Variants in PDE4B observed in about 807,000 individuals in gnomAD.
The protein encoded by PDE4B is 3',5'-cyclic-AMP phosphodiesterase 4B.
In PDE4B, 20 loss-of-function variants were observed where a neutral mutation model predicts 82.2. The observed-to-expected ratio is 0.24, with a 90% CI of 0.17 to 0.35. The LOEUF (loss-of-function observed/expected upper bound fraction) is 0.35. Among genes scored for constraint, PDE4B ranks in the 10% least tolerant of loss-of-function variants. The pLI is 1.00. For synonymous variants in PDE4B, 320 were observed against 318.9 expected (o/e 1.00, Z -0.04); for missense variants, 655 against 907.2 (o/e 0.72, Z 3.57).
chr1:66,368,375 T>G (rs1570792911), intron 15 of PDE4B, among the ~76,000 whole-genome samples: 1 of 152,364 alleles, frequency 6.6e-6, no homozygotes, highest in Non-Finnish European at 1.5e-5. Flanking sequence ...TCCCATTGAC[T>G]TGAAGTTTGT....
chr1:66,239,447 G>A (rs990430709), intron 3 of PDE4B, among the ~76,000 whole-genome samples: 5 of 152,114 alleles, frequency 3.3e-5, no homozygotes, highest in South Asian at 4.1e-4. Context: ...TTGTAACATC[G>A]TTTAGGGGTT....
At chr1:66,018,272 C>G (rs1375260897) in intron 3 of PDE4B, among the ~76,000 whole-genome samples, 1 of 151,850 alleles carries the variant, frequency 6.6e-6, no homozygotes, top group Non-Finnish European at 1.5e-5. Flanking sequence ...AAAAAATTAG[C>G]CGGGCATGGT....
In PDE4B at chr1:65,984,786, T is replaced by C. The variant is rs925379913; in HGVS notation, c.281+65951T>C. Among the ~76,000 whole-genome samples, 12 of 152,174 alleles carry C rather than the reference T, an allele frequency of 7.9e-5. No individual in the cohort carries two copies. The East Asian group carries it at 2.1e-3, about 27-fold the overall frequency. ...CAAACAAACAAACAAAATATATATATGTTATCTTTAAAAGTCTTTGCTAAA... is the reference window on the plus strand; with the variant it reads ...CAAACAAACAAACAAAATATATATACGTTATCTTTAAAAGTCTTTGCTAAA... On this transcript the variant is annotated intron_variant, in intron 3 of 16. Transcript: ENST00000341517.
intron 8 of PDE4B, among the ~76,000 whole-genome samples, chr1:66,354,138 A>T (rs1662044874): frequency 6.6e-6 from 1 of 152,222 alleles, no homozygotes; most frequent in African/African-American, 2.4e-5. Flanking sequence ...ATTCTTGTGT[A>T]CTGGCAGCCT....
At chr1:65,848,115 A>G (rs759961899) in intron 1 of PDE4B, among the ~76,000 whole-genome samples, 2 of 151,580 alleles carry the variant, frequency 1.3e-5, no homozygotes, top group African/African-American at 2.4e-5. Context: ...AAACAATAAG[A>G]TGGACCCATT....
rs141172639 is a variant in PDE4B at position 65,870,637 on chromosome 1, G to A, written c.-70-42608G>A. Among the ~76,000 whole-genome samples, 47 of 152,196 alleles carry A rather than the reference G, an allele frequency of 3.1e-4. No homozygotes were observed. In the East Asian group the frequency reaches 6.2e-3, roughly 20 times the overall value. ...GCAAAAGAGTTATAATACAGTATTC[G>A]TCTTTCAAATCACCAAGAACCAAAG... On this transcript the variant is annotated intron_variant, in intron 1 of 16. Transcript: ENST00000341517.
intron 3 of PDE4B, among the ~76,000 whole-genome samples, chr1:66,145,399 A>G (rs1326542963): frequency 6.6e-6 from 1 of 152,184 alleles, no homozygotes; most frequent in Non-Finnish European, 1.5e-5. Context: ...GCAATGCTGG[A>G]GAGCGTTGCA....
At chr1:66,048,983 CT>C (rs1654869172) in intron 3 of PDE4B, 1 of 151,980 alleles carries the variant, frequency 6.6e-6, no homozygotes, top group Non-Finnish European at 1.5e-5. Context: ...GTCAATCTAT[CT>C]ACTATGATTT....
chr1:65,879,464 T>G (rs868076968), intron 1 of PDE4B, among the ~76,000 whole-genome samples: 1 of 152,074 alleles, frequency 6.6e-6, no homozygotes, highest in South Asian at 2.1e-4. Flanking sequence ...AAATAACATA[T>G]AAAACATAAT....
intron 3 of PDE4B, among the ~76,000 whole-genome samples, chr1:66,047,228 C>T (rs1654766691): frequency 6.6e-6 from 1 of 151,778 alleles, no homozygotes; most frequent in African/African-American, 2.4e-5. Context: ...TTTAGTTGGA[C>T]TCCAGGCTGC....
At chr1:66,044,860 A>G (rs190212688) in intron 3 of PDE4B, among the ~76,000 whole-genome samples, 116 of 151,868 alleles carry the variant, frequency 7.6e-4, no homozygotes, top group African/African-American at 2.5e-3. Flanking sequence ...ATTATTATAA[A>G]CATCAGCTAC....
intron 7 of PDE4B, chr1:66,331,786 T>C: frequency 1.0e-6 from 1 of 985,446 alleles, no homozygotes; most frequent in Non-Finnish European, 1.2e-6. Flanking sequence ...CCCAGGCCAA[T>C]AAACGTGTTC....
chr1:65,983,585 A>C (rs190412176), intron 3 of PDE4B, among the ~76,000 whole-genome samples: 3 of 152,294 alleles, frequency 2.0e-5, no homozygotes, highest in Admixed American at 2.0e-4. Context: ...TGCAACATTG[A>C]GACAGCATAA....
chr1:66,000,201 A>G, intron 3 of PDE4B, among the ~76,000 whole-genome samples: 1 of 152,282 alleles, frequency 6.6e-6, no homozygotes, highest in African/African-American at 2.4e-5. Context: ...TCAGCTCAGG[A>G]AAGCTCTACA....
chr1:65,814,305 T>C (rs1645854199), intron 1 of PDE4B, among the ~76,000 whole-genome samples: 1 of 152,210 alleles, frequency 6.6e-6, no homozygotes, highest in African/African-American at 2.4e-5. Context: ...TTATTATATG[T>C]ACATATGTTT....
intron 3 of PDE4B, among the ~76,000 whole-genome samples, chr1:66,115,488 G>T (rs1215788067): frequency 6.6e-6 from 1 of 152,202 alleles, no homozygotes; most frequent in Non-Finnish European, 1.5e-5. Context: ...TTATTTTTAT[G>T]AATTCATCAA....
At chr1:66,334,540 G>A (rs1201218400) in intron 8 of PDE4B, among the ~76,000 whole-genome samples, 2 of 152,186 alleles carry the variant, frequency 1.3e-5, no homozygotes, top group East Asian at 3.8e-4. Context: ...AATGAAAGTT[G>A]AATAGAGCTA....
chr1:65,956,021 A>G (rs1649239062), intron 3 of PDE4B, among the ~76,000 whole-genome samples: 1 of 152,172 alleles, frequency 6.6e-6, no homozygotes, highest in Non-Finnish European at 1.5e-5. Flanking sequence ...TTTAGGTCCC[A>G]GATTGATAGC....
chr1:65,893,756 A>G (rs956185317), intron 1 of PDE4B, among the ~76,000 whole-genome samples: 2 of 152,108 alleles, frequency 1.3e-5, no homozygotes, highest in Non-Finnish European at 2.9e-5. Context: ...CCCACTGAAC[A>G]GTGACTGTTT....
Sources: gnomAD v4.1 joint callset for allele counts (sites outside exome capture counted in the v4.1 genomes callset) on GRCh38, gnomAD v4.1.1 for gene constraint, MANE v1.5 for transcripts, NCBI Gene and HGNC (gene_info 2026-07-23, HGNC 2026-07-21) for gene names.